The following SMARCA4 variants were observed in gnomAD, a reference collection of about 807,000 sequenced individuals.
SMARCA4 encodes the protein SWI/SNF related BAF chromatin remodeling complex subunit ATPase 4, also known as SWI/SNF-related matrix-associated actin-dependent regulator of chromatin subfamily A member 4.
A neutral mutation model predicts 193.9 loss-of-function variants in SMARCA4; 31 were observed. That is an observed-to-expected ratio of 0.16 (90% CI 0.12 to 0.22). The LOEUF (loss-of-function observed/expected upper bound fraction) is 0.22. Among genes scored for constraint, SMARCA4 ranks in the 10% least tolerant of loss-of-function variants. The probability of loss-of-function intolerance (pLI) is 1.00; values close to 1 mark genes in which losing one functional copy is unlikely to be tolerated. For missense variants in SMARCA4, 1,148 were observed against 2,296.0 expected, an observed-to-expected ratio of 0.50 and a Z score of 10.22; for synonymous variants, 942 against 933.1, an observed-to-expected ratio of 1.01 and a Z score of -0.17.
chr19:11,016,683 G>A (rs775718907), intron 16 of SMARCA4, among the ~76,000 whole-genome samples: 7 of 152,034 alleles, frequency 4.6e-5, no homozygotes, highest in Non-Finnish European at 8.8e-5. Flanking sequence ...ATGGACCCAC[G>A]GATATTTATT....
intron 1 of SMARCA4, chr19:10,977,891 C>T: frequency 6.6e-6 from 1 of 152,476 alleles, no homozygotes; most frequent in Non-Finnish European, 1.5e-5. Flanking sequence ...AGGCAGGTGG[C>T]ACCGTGGCTT....
chr19:11,022,634 C>T (rs2089960151), intron 19 of SMARCA4, among the ~76,000 whole-genome samples: 1 of 152,184 alleles, frequency 6.6e-6, no homozygotes, highest in Admixed American at 6.5e-5. Flanking sequence ...CAGAGGTTAC[C>T]TCGAAGTGCC....
intron 32 of SMARCA4, chr19:11,059,350 T>A (rs2076727169): frequency 3.1e-6 from 1 of 324,398 alleles, no homozygotes; most frequent in Non-Finnish European, 5.9e-6. Context: ...TGGCAAACTT[T>A]CTTAAGTGTC....
At chr19:10,995,518 T>A (rs898972096) in intron 9 of SMARCA4, 1 of 455,132 alleles carries the variant, frequency 2.2e-6, no homozygotes, top group African/African-American at 2.0e-5. Flanking sequence ...GAGGGGGAAG[T>A]GGAGTGGAAG....
intron 13 of SMARCA4, among the ~76,000 whole-genome samples, 197 bp from the exon 14 acceptor site, chr19:11,007,705 A>G (rs2088365994): frequency 6.6e-6 from 1 of 152,174 alleles, no homozygotes; most frequent in Admixed American, 6.5e-5. Context: ...TGAGACTCCC[A>G]TATATTAAAA....
Position 11,034,229 on chromosome 19 carries a change from TC to T in SMARCA4, c.3951+30del. ...AGCGCTGCAGGCTGGATGGGGCAGT[TC>T]AGGCATCCCACTCTGCTGCCACCAG... On this transcript the variant is annotated intron_variant, in intron 28 of 34. Transcript: ENST00000344626. The surrounding 1 kb of genome is among the most constrained non-coding windows in gnomAD (Gnocchi z 7.0). 6.4e-7 allele frequency: 1 copy of T among 1,559,204 alleles called. No individual in the cohort carries two copies. The highest frequency in any genetic ancestry group is 8.8e-7 in the Non-Finnish European group (1 of 1,130,356).
intron 1 of SMARCA4, among the ~76,000 whole-genome samples, chr19:10,975,242 C>G (rs2085036205): frequency 6.6e-6 from 1 of 150,910 alleles, no homozygotes; most frequent in Admixed American, 6.6e-5. Context: ...GTCCCGAACT[C>G]TTGGCCTCAG....
rs1179499482 is a variant in SMARCA4 at position 10,987,648 on chromosome 19, C to T, written c.860-18C>T. On this transcript the variant is annotated intron_variant, in intron 5 of 34. Transcript: ENST00000344626. The surrounding 1 kb of genome is among the most constrained non-coding windows in gnomAD (Gnocchi z 5.3). ...CCCAGAGCTCAACATGACGCCCTGG[C>T]CCCTTGCCTTCTCCCAGGACCCATG... is the stretch of plus-strand genomic sequence containing the variant. 3 of 1,612,760 alleles carry T rather than the reference C, an allele frequency of 1.9e-6. No homozygotes were observed. The highest frequency in any genetic ancestry group is 3.3e-5 in the Admixed American group (2 of 59,980).
chr19:11,056,769 C>G (rs1683744833), intron 30 of SMARCA4, among the ~76,000 whole-genome samples: 1 of 152,214 alleles, frequency 6.6e-6, no homozygotes, highest in Admixed American at 6.5e-5. Context: ...AAACACCAAA[C>G]AAGCAGGAGG....
At chr19:10,974,689 ATTTTTTTTTTTTTTTTTTTTTTT>A (rs74182450) in intron 1 of SMARCA4, among the ~76,000 whole-genome samples, 2 of 37,162 alleles carry the variant, frequency 5.4e-5, no homozygotes, top group African/African-American at 3.0e-4. Flanking sequence ...ATATATATAT[ATTTTTTTTTTTTTTTTTTTTTTT>A]TTTTTTTTTT....
chr19:10,975,495 G>C (rs1348542629), intron 1 of SMARCA4, among the ~76,000 whole-genome samples: 1 of 151,974 alleles, frequency 6.6e-6, no homozygotes, highest in African/African-American at 2.4e-5. Context: ...TATTTTAGTA[G>C]AGATAGGGTT....
rs2145823688 is a variant in SMARCA4, at chr19:10,987,942, T to A, written c.1118+18T>A. ...GAGTACAGGTGAGGGCGGGGCCCAG[T>A]TGCCAAGGTCACTGCCCTGTGTCCC... On this transcript the variant is annotated intron_variant, in intron 6 of 34. Transcript: ENST00000344626. This position sits in a 1 kb window ranked among gnomAD's most constrained non-coding sequence, Gnocchi z 5.3. 1.2e-6 allele frequency: 2 copies of A among 1,611,384 alleles called. No homozygotes were observed. The highest frequency in any genetic ancestry group is 1.7e-6 in the Non-Finnish European group (2 of 1,179,720).
chr19:11,059,799 G>A lies in SMARCA4; in HGVS notation c.4682G>A (p.Arg1561Gln), dbSNP rs201258822. Residue 1561 changes from arginine to glutamine, a missense_variant, in exon 33 of 35, where the codon CGG becomes CAG. By Grantham distance (43) the Arg-to-Gln change is conservative (BLOSUM62 1). Around this residue, in one of 17 missense-constraint regions of SMARCA4, gnomAD observed 105 missense variants for 133.7 expected, o/e 0.79. Coordinates refer to ENST00000344626, the MANE Select transcript of SMARCA4 (RefSeq NM_003072.5). ...IVLQSVFTSV[R>Q]QKIEKEDDSE... ...TTGCAGTCGGTCTTCACCAGCGTGCGGCAGAAAATCGAGAAGGAGGATGAC... is the reference window on the plus strand; with the variant it reads ...TTGCAGTCGGTCTTCACCAGCGTGCAGCAGAAAATCGAGAAGGAGGATGAC... 32 of 1,609,128 alleles carry A rather than the reference G, an allele frequency of 2.0e-5. No individual in the cohort carries two copies. Among genetic ancestry groups the A allele is most frequent in the African/African-American group, 2.7e-5 (2 of 74,954 alleles).
chr19:11,048,851 C>T (rs1032237216), intron 30 of SMARCA4, among the ~76,000 whole-genome samples: 1 of 152,206 alleles, frequency 6.6e-6, no homozygotes, highest in Non-Finnish European at 1.5e-5. Flanking sequence ...GTACAGTTGT[C>T]TTGCCTGGGA....
Position 11,039,567 on chromosome 19 carries a change from T to C in SMARCA4, c.4171-1740T>C. Reference sequence around the variant, plus strand: ...CGTGCGTCAAAGGTGGGGAGAGTTCTGGTGGTGGGTGGCGCTGAGGGCTGC... The same window carrying C: ...CGTGCGTCAAAGGTGGGGAGAGTTCCGGTGGTGGGTGGCGCTGAGGGCTGC... On this transcript the variant is annotated intron_variant, in intron 29 of 34. Coordinates refer to ENST00000344626, the MANE Select transcript of SMARCA4 (RefSeq NM_003072.5). 6.5e-7 allele frequency: 1 copy of C among 1,542,776 alleles called. No homozygotes were observed. The highest frequency in any genetic ancestry group is 8.8e-7 in the Non-Finnish European group (1 of 1,132,182).
intron 30 of SMARCA4, among the ~76,000 whole-genome samples, chr19:11,050,233 G>T (rs1055783927): frequency 1.2e-4 from 19 of 152,368 alleles, no homozygotes; most frequent in Middle Eastern, 6.8e-3. Flanking sequence ...CGGAAAGACG[G>T]TGACGGGTCC....
rs1181650530 is a variant in SMARCA4, at chr19:10,986,606, GC to G, written c.760+16del. 4 of 1,535,682 alleles carry G rather than the reference GC, an allele frequency of 2.6e-6. No individual in the cohort carries two copies. The East Asian group carries it at 9.8e-5, about 38-fold the overall frequency. ...AGCAGGCCTCATGGTAAGACTGGCT[GC>G]CCTGGCCCTCAGGTGTCTCAGAGCG... On this transcript the variant is annotated intron_variant, in intron 4 of 34. Transcript: ENST00000344626. This position sits in a 1 kb window ranked among gnomAD's most constrained non-coding sequence, Gnocchi z 6.7.
chr19:11,023,655 A>C (rs765406579), intron 20 of SMARCA4, 24 bp downstream of exon 20: 2 of 1,459,306 alleles, frequency 1.4e-6, no homozygotes, highest in South Asian at 2.3e-5. Flanking sequence ...GAGGGGAGCC[A>C]CCAGTGAAGC....
At chr19:10,965,671 C>T (rs1568388283) in intron 1 of SMARCA4, among the ~76,000 whole-genome samples, 1 of 152,146 alleles carries the variant, frequency 6.6e-6, no homozygotes, top group Non-Finnish European at 1.5e-5. Flanking sequence ...GTGGTATAGC[C>T]TATTGTTCCC....
Sources: gnomAD v4.1 joint callset for allele counts (sites outside exome capture counted in the v4.1 genomes callset) on GRCh38, gnomAD v4.1.1 for gene constraint, gnomAD v4.1.1 regional missense constraint, Gnocchi (gnomAD v3.1) non-coding constraint, MANE v1.5 for transcripts, NCBI Gene and HGNC (gene_info 2026-07-23, HGNC 2026-07-21) for gene names.